CCDC150: variants seen among roughly 807,000 people sequenced by gnomAD.
The protein encoded by CCDC150 is coiled-coil domain containing 150, also known as coiled-coil domain-containing protein 150.
CCDC150 carries 151 observed loss-of-function variants against 156.5 expected under a neutral mutation model. That is an observed-to-expected ratio of 0.97 (90% CI 0.85 to 1.10). The LOEUF is 1.10. CCDC150 is among the 50% of genes least tolerant of loss of function. The pLI, the probability that CCDC150 is intolerant of heterozygous loss-of-function variation, is 0.00. For synonymous variants in CCDC150, 452 were observed against 429.4 expected, an observed-to-expected ratio of 1.05 and a Z score of -0.65; for missense variants, 1,312 against 1,268.1, an observed-to-expected ratio of 1.03 and a Z score of -0.53.
At chr2:196,684,548 G>T (rs553141413) in intron 13 of CCDC150, among the ~76,000 whole-genome samples, 7 of 152,138 alleles carry the variant, frequency 4.6e-5, no homozygotes, top group African/African-American at 1.4e-4. Flanking sequence ...TGTTCTATAG[G>T]TGTCCGTTAG....
intron 15 of CCDC150, 29 bp from the exon 16 acceptor site, chr2:196,712,116 T>G: frequency 9.0e-7 from 1 of 1,106,588 alleles, no homozygotes. Flanking sequence ...TTTTTTAAAA[T>G]TTTTTTTGTA....
Position 196,729,812 on chromosome 2 carries a change from A to G in CCDC150, c.2771A>G (p.Lys924Arg). 1 of 1,582,956 alleles carries G rather than the reference A, an allele frequency of 6.3e-7. No homozygotes were observed. The highest frequency in any genetic ancestry group is 8.6e-7 in the Non-Finnish European group (1 of 1,157,632). ...ERMKQIEKEL[K>R]QMELIKDQYQ... ...TTTTAGCAAATAGAAAAAGAATTGA[A>G]GCAAATGGAGCTAATTAAGGATCAA... The change falls in exon 24 of 28, where the codon AAG (lysine) becomes AGG (arginine). Residue 924 changes from lysine to arginine, a missense_variant. Lys to Arg is a conservative substitution (Grantham distance 26). Coordinates refer to ENST00000389175, the MANE Select transcript of CCDC150 (RefSeq NM_001080539.2).
At chr2:196,696,555 T>C (rs1451150393) in intron 14 of CCDC150, among the ~76,000 whole-genome samples, 1 of 152,166 alleles carries the variant, frequency 6.6e-6, no homozygotes, top group East Asian at 1.9e-4. Context: ...ATTTGGTCAG[T>C]GTTGATTTTT....
chr2:196,676,708 G>C lies in CCDC150; in HGVS notation c.1417G>C (p.Glu473Gln). 2 of 1,613,212 alleles carry C rather than the reference G, an allele frequency of 1.2e-6. No homozygotes were observed. Among genetic ancestry groups the C allele is most frequent in the Non-Finnish European group, 1.7e-6 (2 of 1,179,488 alleles). Residue 473 changes from glutamate (E) to glutamine (Q), a missense_variant, in exon 12 of 28, where the codon GAG (glutamate) becomes CAG (glutamine). Glu to Gln is a conservative substitution (Grantham distance 29). Transcript: ENST00000389175. Reference sequence around the variant, plus strand: ...GCAAGAGAAGAAGTCTCTGCTAGAGGAGAAAGAAAGATTTCAGAGGGAGGT... The same window carrying C: ...GCAAGAGAAGAAGTCTCTGCTAGAGCAGAAAGAAAGATTTCAGAGGGAGGT... ...SMQEKKSLLE[E>Q]KERFQREVNK...
At chr2:196,710,435 C>A (rs1324791488) in intron 15 of CCDC150, among the ~76,000 whole-genome samples, 1 of 152,220 alleles carries the variant, frequency 6.6e-6, no homozygotes, top group East Asian at 1.9e-4. Context: ...AAAGGGAAAT[C>A]CCCTGACCCC....
At chr2:196,646,588 G>A in intron 2 of CCDC150, 84 bp downstream of exon 2, 1 of 968,034 alleles carries the variant, frequency 1.0e-6, no homozygotes, top group Non-Finnish European at 1.6e-6. Context: ...CAGATGAGAT[G>A]GATATTTGCA....
chr2:196,688,214 A>G (rs1020956989), intron 13 of CCDC150, among the ~76,000 whole-genome samples: 1 of 152,124 alleles, frequency 6.6e-6, no homozygotes, highest in African/African-American at 2.4e-5. Flanking sequence ...TTTTAATGAC[A>G]TGATTCTTCT....
intron 23 of CCDC150, 54 bp from the exon 24 acceptor site, chr2:196,729,739 C>A: frequency 1.6e-6 from 2 of 1,225,584 alleles, no homozygotes; most frequent in Admixed American, 4.5e-5. Context: ...GCAAAAAGAG[C>A]AAGCCAGTTT....
At chr2:196,690,869 G>T (rs888860913) in intron 13 of CCDC150, among the ~76,000 whole-genome samples, 1 of 152,016 alleles carries the variant, frequency 6.6e-6, no homozygotes, top group Non-Finnish European at 1.5e-5. Context: ...ATTATTTTGT[G>T]GTATGTTCCT....
At chr2:196,693,249 C>T (rs550998507) in intron 13 of CCDC150, among the ~76,000 whole-genome samples, 1 of 152,130 alleles carries the variant, frequency 6.6e-6, no homozygotes, top group Non-Finnish European at 1.5e-5. Flanking sequence ...TGTATGTGGT[C>T]CGTCATTGAC....
chr2:196,718,299 A>T (rs1022616171), intron 17 of CCDC150: 1 of 323,130 alleles, frequency 3.1e-6, no homozygotes, highest in Non-Finnish European at 5.6e-6. Context: ...CATGGAGATT[A>T]ATGTATTGGA....
intron 2 of CCDC150, among the ~76,000 whole-genome samples, chr2:196,654,098 A>C (rs983714794): frequency 2.6e-5 from 4 of 152,170 alleles, no homozygotes; most frequent in African/African-American, 4.8e-5. Context: ...TTCATGAGTG[A>C]GCTGCCCCAT....
chr2:196,644,496 C>T (rs899296868), intron 1 of CCDC150, among the ~76,000 whole-genome samples: 9 of 152,206 alleles, frequency 5.9e-5, no homozygotes, highest in Middle Eastern at 3.4e-3. Flanking sequence ...CTTTCGTTTA[C>T]TACTTGAGGA....
intron 11 of CCDC150, 106 bp from the exon 12 acceptor site, chr2:196,676,448 A>G (rs1694509567): frequency 1.5e-6 from 2 of 1,297,932 alleles, no homozygotes; most frequent in Non-Finnish European, 2.1e-6. Context: ...ACATTTTGGT[A>G]ACTACTCTCA....
At chr2:196,713,944 AATCTT>A (rs1697313152) in intron 17 of CCDC150, among the ~76,000 whole-genome samples, 1 of 152,172 alleles carries the variant, frequency 6.6e-6, no homozygotes, top group Admixed American at 6.5e-5. Flanking sequence ...ATTTCTACCT[AATCTT>A]AACATTTGAG....
chr2:196,731,078 C>T (rs1455167196), intron 26 of CCDC150, 133 bp downstream of exon 26: 8 of 609,766 alleles, frequency 1.3e-5, no homozygotes, highest in Non-Finnish European at 2.0e-5. Context: ...GAGTAACTTC[C>T]TAAGTGTAGT....
intron 2 of CCDC150, among the ~76,000 whole-genome samples, chr2:196,651,380 A>G (rs953443044): frequency 6.6e-5 from 10 of 152,128 alleles, no homozygotes; most frequent in African/African-American, 2.2e-4. Flanking sequence ...AGTGATTTTT[A>G]TGCTTTCTGA....
At chr2:196,682,627 G>T (rs1263850567) in intron 13 of CCDC150, among the ~76,000 whole-genome samples, 1 of 152,018 alleles carries the variant, frequency 6.6e-6, no homozygotes, top group Non-Finnish European at 1.5e-5. Context: ...AATGTCATCA[G>T]TAGGTTCTTA....
At chr2:196,710,058 G>A (rs904931913) in intron 15 of CCDC150, among the ~76,000 whole-genome samples, 1 of 152,258 alleles carries the variant, frequency 6.6e-6, no homozygotes, top group African/African-American at 2.4e-5. Flanking sequence ...GTCAGACAGG[G>A]ACGTTTAAGT....
Sources: gnomAD v4.1 joint callset for allele counts (sites outside exome capture counted in the v4.1 genomes callset) on GRCh38, gnomAD v4.1.1 for gene constraint, MANE v1.5 for transcripts, NCBI Gene and HGNC (gene_info 2026-07-23, HGNC 2026-07-21) for gene names.